The following EPB41L4A variants were observed in gnomAD, a reference collection of about 807,000 sequenced individuals.
EPB41L4A encodes erythrocyte membrane protein band 4.1 like 4A, also known as band 4.1-like protein 4A.
Under a neutral mutation model 108.6 loss-of-function variants are expected in EPB41L4A, and 100 were observed. The ratio of observed to expected loss-of-function variants is 0.92; its 90% confidence interval spans 0.78 to 1.09. The LOEUF (loss-of-function observed/expected upper bound fraction) is 1.09, where lower values mean the gene tolerates loss of function less well. Ranked by LOEUF, EPB41L4A falls within the 50% of genes least tolerant of loss-of-function variation. EPB41L4A has a pLI of 0.00. For synonymous variants in EPB41L4A, 319 were observed against 289.0 expected (o/e 1.10, Z -1.05); for missense variants, 1,030 against 842.7 (o/e 1.22, Z -2.75).
rs548582067 is a variant in EPB41L4A at position 112,401,740 on chromosome 5, G to C, written c.99+17201C>G. Among the ~76,000 whole-genome samples the C allele has an allele frequency of 3.9e-5, 6 of 152,154 alleles. No individual in the cohort carries two copies. In the South Asian group the frequency reaches 1.2e-3, roughly 32 times the overall value. Reference sequence around the variant, plus strand: ...CTGAATTGACCCAACTAGTGTCAATGACTCTTCCATGGAGACGAGATTAGA... The same window carrying C: ...CTGAATTGACCCAACTAGTGTCAATCACTCTTCCATGGAGACGAGATTAGA... On this transcript the variant is annotated intron_variant, in intron 1 of 22. Transcript: ENST00000261486.
chr5:112,357,219 T>C (rs1241046125), intron 1 of EPB41L4A, among the ~76,000 whole-genome samples: 1 of 152,230 alleles, frequency 6.6e-6, no homozygotes, highest in Non-Finnish European at 1.5e-5. Flanking sequence ...ATTGTCATTT[T>C]GAGAAATGGC....
intron 1 of EPB41L4A, among the ~76,000 whole-genome samples, chr5:112,356,380 A>G (rs926727753): frequency 6.6e-6 from 1 of 152,188 alleles, no homozygotes. Flanking sequence ...ACTTTGGTCT[A>G]TGCAGAAAGC....
rs1223153494 is a variant in EPB41L4A at position 112,304,294 on chromosome 5, C to G, written c.204+3092G>C. On this transcript the variant is annotated intron_variant, in intron 2 of 22. Coordinates refer to ENST00000261486, the MANE Select transcript of EPB41L4A (RefSeq NM_022140.5). Reference sequence around the variant, plus strand: ...CTAATTATATACAACTTCTGCCTTTCAAGGAGTAATCTGTAAAGGAGCCTC... The same window carrying G: ...CTAATTATATACAACTTCTGCCTTTGAAGGAGTAATCTGTAAAGGAGCCTC... 2.0e-5 allele frequency among the ~76,000 whole-genome samples: 3 copies of G among 152,268 alleles called. No individual in the cohort carries two copies. The East Asian group carries it at 5.8e-4, about 29-fold the overall frequency.
intron 1 of EPB41L4A, among the ~76,000 whole-genome samples, chr5:112,317,687 C>G (rs1755518393): frequency 6.6e-6 from 1 of 152,208 alleles, no homozygotes; most frequent in Non-Finnish European, 1.5e-5. Flanking sequence ...AATCCAGCTA[C>G]TTTCTGTTAA....
intron 3 of EPB41L4A, among the ~76,000 whole-genome samples, chr5:112,275,995 G>A (rs997002305): frequency 2.0e-5 from 3 of 151,854 alleles, no homozygotes; most frequent in African/African-American, 7.3e-5. Context: ...ATATATTTGA[G>A]TTTTTTTTCC....
chr5:112,382,944 A>G (rs1204037685), intron 1 of EPB41L4A, among the ~76,000 whole-genome samples: 1 of 152,210 alleles, frequency 6.6e-6, no homozygotes, highest in Non-Finnish European at 1.5e-5. Context: ...ACTGTGTGGA[A>G]AAGGAAAAAT....
chr5:112,349,266 T>C (rs1048868979), intron 1 of EPB41L4A, among the ~76,000 whole-genome samples: 3 of 152,146 alleles, frequency 2.0e-5, no homozygotes, highest in Non-Finnish European at 4.4e-5. Context: ...TACTTTTTTT[T>C]TTAGGATAGG....
chr5:112,141,991 T>C (rs555161486), downstream of EPB41L4A, among the ~76,000 whole-genome samples: 26 of 152,276 alleles, frequency 1.7e-4, no homozygotes, highest in Admixed American at 1.4e-3. Context: ...AAGTGAGACA[T>C]GAAAGGAGGA....
At chr5:112,318,016 G>C (rs1236469780) in intron 1 of EPB41L4A, among the ~76,000 whole-genome samples, 3 of 152,012 alleles carry the variant, frequency 2.0e-5, no homozygotes, top group Admixed American at 1.3e-4. Context: ...TTGCAAAATA[G>C]GCAATTCTGA....
At chr5:112,350,207 T>C (rs1307015782) in intron 1 of EPB41L4A, among the ~76,000 whole-genome samples, 1 of 152,198 alleles carries the variant, frequency 6.6e-6, no homozygotes, top group African/African-American at 2.4e-5. Flanking sequence ...CCATGCTAAA[T>C]AGTACAGATG....
rs575078694 is a variant in EPB41L4A, at chr5:112,361,754, G to C, written c.100-54264C>G. 2.4e-3 allele frequency among the ~76,000 whole-genome samples: 372 copies of C among 151,916 alleles called. 1 individual carries two copies. Among genetic ancestry groups the C allele is most frequent in the Non-Finnish European group, 4.3e-3 (295 of 67,976 alleles). On this transcript the variant is annotated intron_variant, in intron 1 of 22. Coordinates refer to ENST00000261486, the MANE Select transcript of EPB41L4A (RefSeq NM_022140.5). ...AATAATAAACTGACTGGGTGTGGTG[G>C]TGTGCACCTGTGGTCACATTTACTC...
chr5:112,355,149 A>T (rs1240239920), intron 1 of EPB41L4A, among the ~76,000 whole-genome samples: 1 of 152,228 alleles, frequency 6.6e-6, no homozygotes, highest in African/African-American at 2.4e-5. Flanking sequence ...TGTCACTACC[A>T]AATATAATCT....
chr5:112,320,855 T>C (rs1402854622), intron 1 of EPB41L4A, among the ~76,000 whole-genome samples: 1 of 152,194 alleles, frequency 6.6e-6, no homozygotes, highest in Non-Finnish European at 1.5e-5. Flanking sequence ...AAATGGGCTC[T>C]CCAGCTTACA....
chr5:112,333,050 C>A (rs774201932), intron 1 of EPB41L4A, among the ~76,000 whole-genome samples: 1 of 152,114 alleles, frequency 6.6e-6, no homozygotes, highest in African/African-American at 2.4e-5. Flanking sequence ...GTTCCCAATG[C>A]CTCTAAAAAA....
chr5:112,163,502 T>TTA lies in EPB41L4A; in HGVS notation c.*1487_*1488insTA, dbSNP rs1561439077. The TTA allele has an allele frequency of 6.6e-6, 1 of 152,138 alleles. No homozygotes were observed. The highest frequency in any genetic ancestry group is 1.5e-5 in the Non-Finnish European group (1 of 68,048). 9.4% of individuals were successfully genotyped at this position (152,138 alleles called of 1,614,324 possible). A position where few individuals can be genotyped will look rare whatever the true frequency, so the allele number is the denominator to read the frequency against. ...CACTAATTAATGGCAAGGTAAAGCA[T>TTA]GATAAGCCAGAAAGGATGGTCAGTG... On this transcript the variant is annotated 3_prime_UTR_variant, in exon 23 of 23. Transcript: ENST00000261486.
chr5:112,414,486 A>T (rs938011547), intron 1 of EPB41L4A, among the ~76,000 whole-genome samples: 5 of 152,116 alleles, frequency 3.3e-5, no homozygotes, highest in Non-Finnish European at 7.4e-5. Flanking sequence ...TGGTGAGAGG[A>T]GGCAGGGAAT....
rs774775543 is a variant in EPB41L4A, at chr5:112,266,301, T to C, written c.365A>G (p.Asp122Gly). Residue 122 changes from aspartate (D) to glycine (G), a missense_variant, in exon 5 of 23, where the codon GAT (aspartate) becomes GGT (glycine). Transcript: ENST00000261486. ...ACAGGGCAGACGGCCCTGAAGGACA[T>C]CTTGCTTCACCTGCAAGAAAAACTG... ...RYQFFLQVKQ[D>G]VLQGRLPCPV... The C allele has an allele frequency of 2.1e-5, 34 of 1,608,034 alleles. No individual in the cohort carries two copies. Among genetic ancestry groups the C allele is most frequent in the Non-Finnish European group, 2.8e-5 (33 of 1,177,578 alleles).
chr5:112,164,996 C>T lies in EPB41L4A; in HGVS notation c.2055G>A (p.Glu685=). 6.2e-7 allele frequency: 1 copy of T among 1,612,676 alleles called. No homozygotes were observed. The highest frequency in any genetic ancestry group is 8.5e-7 in the Non-Finnish European group (1 of 1,179,654). Residue 685 remains glutamate (E), a synonymous_variant, in exon 23 of 23, where the codon GAG becomes GAA. Transcript: ENST00000261486. ...CCTTGACCCTTCATCAGGATCAAGT[C>T]TCTGTCTTGAGGCGGGAAGCTTGTA... ...KTIQASRLKT[E]T
chr5:112,199,055 G>A (rs1049869484), intron 15 of EPB41L4A, among the ~76,000 whole-genome samples: 3 of 152,116 alleles, frequency 2.0e-5, no homozygotes, highest in African/African-American at 7.2e-5. Flanking sequence ...ATGGTGCAGT[G>A]CACGTTAATT....
Sources: allele counts gnomAD v4.1 joint callset (sites outside exome capture counted in the v4.1 genomes callset), GRCh38; gene constraint gnomAD v4.1.1; transcripts MANE v1.5; gene names NCBI Gene and HGNC (gene_info 2026-07-23, HGNC 2026-07-21).